Variants in CRACD observed in about 807,000 individuals in gnomAD.
CRACD encodes capping protein inhibiting regulator of actin dynamics.
A neutral mutation model predicts 106.8 loss-of-function variants in CRACD; 56 were observed. The observed-to-expected ratio is 0.52, with a 90% CI of 0.42 to 0.66. CRACD has a LOEUF of 0.66. CRACD is among the 30% of genes least tolerant of loss of function. CRACD has a pLI of 0.00. For missense variants in CRACD, 1,730 were observed against 1,623.2 expected (o/e 1.07, Z -1.13); for synonymous variants, 754 against 670.8 (o/e 1.12, Z -1.92).
intron 3 of CRACD, among the ~76,000 whole-genome samples, chr4:56,296,912 T>G (rs1014622912): frequency 2.0e-4 from 26 of 129,958 alleles, no homozygotes; most frequent in East Asian, 1.6e-3. Context: ...ATTTCTTTTT[T>G]TTTGTTTGTT....
At chr4:56,249,576 A>G (rs1322665163) in intron 2 of CRACD, among the ~76,000 whole-genome samples, 2 of 152,288 alleles carry the variant, frequency 1.3e-5, no homozygotes, top group Non-Finnish European at 2.9e-5. Context: ...TTTACAGGCA[A>G]TAAATCTTAC....
chr4:56,099,842 A>G (rs1733722511), intron 1 of CRACD, among the ~76,000 whole-genome samples: 1 of 152,152 alleles, frequency 6.6e-6, no homozygotes, highest in African/African-American at 2.4e-5. Context: ...TATCCTGGAG[A>G]AATCATATGT....
At chr4:56,323,609 C>T in intron 9 of CRACD, 42 bp downstream of exon 9, 1 of 1,470,690 alleles carries the variant, frequency 6.8e-7, no homozygotes, top group East Asian at 2.5e-5. Context: ...CTTTCCTGAG[C>T]TTGGTTCTCT....
intron 2 of CRACD, among the ~76,000 whole-genome samples, chr4:56,223,747 T>C (rs1739164621): frequency 6.6e-6 from 1 of 152,236 alleles, no homozygotes; most frequent in Non-Finnish European, 1.5e-5. Flanking sequence ...ACTGTTTTAA[T>C]TGTTACTGTT....
chr4:56,112,443 C>A (rs147483813), intron 1 of CRACD, among the ~76,000 whole-genome samples: 1 of 152,108 alleles, frequency 6.6e-6, no homozygotes, highest in Non-Finnish European at 1.5e-5. Context: ...TAGAAGGATT[C>A]AAAGATTTTT....
chr4:56,049,992 C>T (rs1013050807), intron 1 of CRACD: 2 of 151,666 alleles, frequency 1.3e-5, no homozygotes, highest in Non-Finnish European at 2.9e-5. Context: ...CGAGATTGGA[C>T]CTCCTAACCC....
At chr4:56,249,276 G>A (rs1250832521) in intron 2 of CRACD, among the ~76,000 whole-genome samples, 3 of 147,526 alleles carry the variant, frequency 2.0e-5, no homozygotes, top group Admixed American at 6.8e-5. Context: ...TCTAACTGGT[G>A]TGAGATGGTA....
intron 5 of CRACD, among the ~76,000 whole-genome samples, chr4:56,310,201 C>T (rs1480111331): frequency 6.6e-6 from 1 of 152,088 alleles, no homozygotes; most frequent in African/African-American, 2.4e-5. Flanking sequence ...ACCTTCTCAG[C>T]CCAGCTCTTT....
intron 3 of CRACD, among the ~76,000 whole-genome samples, chr4:56,297,521 T>C (rs1259938896): frequency 2.6e-5 from 4 of 152,246 alleles, no homozygotes; most frequent in South Asian, 2.1e-4. Flanking sequence ...TGAGGCTACA[T>C]TGGGCCATGA....
intron 4 of CRACD, among the ~76,000 whole-genome samples, chr4:56,306,869 A>G (rs896630708): frequency 6.6e-6 from 1 of 152,164 alleles, no homozygotes. Context: ...ACAGCAAGGC[A>G]AAGAGGACGT....
intron 1 of CRACD, among the ~76,000 whole-genome samples, chr4:56,140,949 A>G (rs550455097): frequency 1.3e-5 from 2 of 152,334 alleles, no homozygotes; most frequent in African/African-American, 4.8e-5. Flanking sequence ...CTAACCAGGG[A>G]TGAATGAATG....
intron 1 of CRACD, among the ~76,000 whole-genome samples, chr4:56,100,426 T>C (rs1196474240): frequency 6.6e-6 from 1 of 152,198 alleles, no homozygotes; most frequent in East Asian, 1.9e-4. Context: ...AAGAAGCAAA[T>C]AGTTACAGAA....
intron 1 of CRACD, among the ~76,000 whole-genome samples, chr4:56,152,775 C>A (rs1342445987): frequency 6.6e-6 from 1 of 152,030 alleles, no homozygotes; most frequent in East Asian, 1.9e-4. Flanking sequence ...TTTGATATGT[C>A]ACCCTTTTTC....
chr4:56,176,277 A>G (rs916011433), intron 1 of CRACD, among the ~76,000 whole-genome samples: 2 of 152,136 alleles, frequency 1.3e-5, no homozygotes, highest in Non-Finnish European at 1.5e-5. Flanking sequence ...TTGTGGTTCC[A>G]TGCGAATTTT....
intron 2 of CRACD, among the ~76,000 whole-genome samples, chr4:56,209,764 A>G (rs943414130): frequency 3.3e-5 from 5 of 152,176 alleles, no homozygotes; most frequent in African/African-American, 4.8e-5. Context: ...ATTATGCTTT[A>G]ACATAACATC....
rs575314715 is a variant in CRACD at position 56,176,682 on chromosome 4, G to A, written c.-335-2602G>A. On this transcript the variant is annotated intron_variant, in intron 1 of 10. Transcript: ENST00000682029. Reference sequence around the variant, plus strand: ...GATCTCCTGACCTTGTGATCCACCTGCCTTGGCCTCCCAAAGTGCTGGTAT... The same window carrying A: ...GATCTCCTGACCTTGTGATCCACCTACCTTGGCCTCCCAAAGTGCTGGTAT... Among the ~76,000 whole-genome samples, 5 of 152,090 alleles carry A rather than the reference G, an allele frequency of 3.3e-5. No individual in the cohort carries two copies. The East Asian group carries it at 7.7e-4, about 24-fold the overall frequency.
intron 1 of CRACD, among the ~76,000 whole-genome samples, chr4:56,178,296 G>A (rs922132792): frequency 6.6e-6 from 1 of 152,138 alleles, no homozygotes; most frequent in East Asian, 1.9e-4. Flanking sequence ...TTCACTTTAT[G>A]TTCCTCTAAA....
intron 2 of CRACD, among the ~76,000 whole-genome samples, chr4:56,187,185 C>T (rs891797454): frequency 1.3e-5 from 2 of 152,028 alleles, no homozygotes; most frequent in African/African-American, 4.8e-5. Context: ...AAATTGAATT[C>T]AGATATGTAA....
chr4:56,202,380 G>A (rs1279523110), intron 2 of CRACD, among the ~76,000 whole-genome samples: 1 of 152,094 alleles, frequency 6.6e-6, no homozygotes, highest in African/African-American at 2.4e-5. Flanking sequence ...CCAGGTAGCT[G>A]GGACTACAGG....
Sources: gnomAD v4.1 joint callset for allele counts (sites outside exome capture counted in the v4.1 genomes callset) on GRCh38, gnomAD v4.1.1 for gene constraint, MANE v1.5 for transcripts, NCBI Gene and HGNC (gene_info 2026-07-23, HGNC 2026-07-21) for gene names.